PKP4: variants seen among roughly 807,000 people sequenced by gnomAD.
PKP4 encodes plakophilin-4.
Under a neutral mutation model 145.1 loss-of-function variants are expected in PKP4, and 90 were observed. The observed-to-expected ratio is 0.62, with a 90% CI of 0.52 to 0.74. The LOEUF is 0.74. Among genes scored for constraint, PKP4 ranks in the 30% least tolerant of loss-of-function variants. The pLI, the probability that PKP4 is intolerant of heterozygous loss-of-function variation, is 0.00. For synonymous variants in PKP4, 563 were observed against 577.2 expected, an observed-to-expected ratio of 0.98 and a Z score of 0.35; for missense variants, 1,340 against 1,482.7, an observed-to-expected ratio of 0.90 and a Z score of 1.58.
intron 1 of PKP4, among the ~76,000 whole-genome samples, chr2:158,497,176 G>A (rs753819601): frequency 1.1e-4 from 16 of 152,166 alleles, no homozygotes; most frequent in Non-Finnish European, 1.9e-4. Flanking sequence ...CACAGGGCCA[G>A]GTGTCAGGGA....
chr2:158,474,148 A>G (rs567605763), intron 1 of PKP4, among the ~76,000 whole-genome samples: 1 of 152,294 alleles, frequency 6.6e-6, no homozygotes, highest in South Asian at 2.1e-4. Flanking sequence ...AACAGAAGCT[A>G]CTCGACGACA....
At chr2:158,554,465 G>C (rs1241936847) in intron 2 of PKP4, among the ~76,000 whole-genome samples, 1 of 143,546 alleles carries the variant, frequency 7.0e-6, no homozygotes, top group East Asian at 2.0e-4. Context: ...TAGCTCTGTT[G>C]CCCAGGCTGG....
intron 1 of PKP4, among the ~76,000 whole-genome samples, chr2:158,460,554 G>T (rs1385706968): frequency 1.3e-5 from 2 of 152,120 alleles, no homozygotes; most frequent in Admixed American, 1.3e-4. Context: ...GGTAAGTCTA[G>T]TCTCTTACCT....
chr2:158,629,335 A>G (rs1166290549), intron 7 of PKP4, among the ~76,000 whole-genome samples: 3 of 152,126 alleles, frequency 2.0e-5, no homozygotes, highest in African/African-American at 7.2e-5. Flanking sequence ...ATAATGACAG[A>G]ACACTGACCT....
intron 1 of PKP4, 101 bp from the exon 2 acceptor site, chr2:158,533,079 A>T: frequency 4.1e-6 from 5 of 1,221,748 alleles, no homozygotes; most frequent in Non-Finnish European, 5.6e-6. Context: ...CATGGTGTGT[A>T]GACTGTAGTC....
intron 2 of PKP4, among the ~76,000 whole-genome samples, chr2:158,564,127 AATAAT>A (rs1353488794): frequency 2.0e-5 from 3 of 151,770 alleles, no homozygotes; most frequent in African/African-American, 4.8e-5. Context: ...GTAAATATAA[AATAAT>A]ATAATAATGT....
intron 1 of PKP4, among the ~76,000 whole-genome samples, chr2:158,492,734 C>G (rs1018787590): frequency 4.6e-5 from 7 of 152,174 alleles, no homozygotes; most frequent in African/African-American, 1.7e-4. Context: ...TCCAGCTGAC[C>G]ATTTTCCTCC....
At chr2:158,502,823 A>G (rs1449442026) in intron 1 of PKP4, among the ~76,000 whole-genome samples, 1 of 152,210 alleles carries the variant, frequency 6.6e-6, no homozygotes, top group Non-Finnish European at 1.5e-5. Flanking sequence ...TGTGTTAGAG[A>G]TGGTTTTTGT....
chr2:158,674,105 A>T, intron 19 of PKP4, 105 bp downstream of exon 19: 2 of 773,994 alleles, frequency 2.6e-6, no homozygotes, highest in Non-Finnish European at 2.4e-6. Context: ...GTCATCTCCA[A>T]CACTACCCAT....
chr2:158,667,785 A>G (rs1266220323), intron 16 of PKP4, among the ~76,000 whole-genome samples: 1 of 152,206 alleles, frequency 6.6e-6, no homozygotes, highest in Non-Finnish European at 1.5e-5. Flanking sequence ...GGTCCAGCTC[A>G]TGCCTGATTC....
intron 1 of PKP4, among the ~76,000 whole-genome samples, chr2:158,458,930 T>G (rs1328774352): frequency 6.9e-6 from 1 of 144,644 alleles, no homozygotes; most frequent in Non-Finnish European, 1.5e-5. Context: ...TTACTGAGTT[T>G]GACTGAAAAA....
chr2:158,555,418 T>A (rs2046005918), intron 2 of PKP4, among the ~76,000 whole-genome samples: 1 of 152,244 alleles, frequency 6.6e-6, no homozygotes, highest in Non-Finnish European at 1.5e-5. Context: ...CATCATACTC[T>A]GCACTACAAA....
chr2:158,666,767 G>A (rs557636930), intron 16 of PKP4: 1 of 423,728 alleles, frequency 2.4e-6, no homozygotes, highest in African/African-American at 2.1e-5. Context: ...TCATTGATTA[G>A]GGAAGGTAAA....
At chr2:158,519,228 A>G (rs1303026203) in intron 1 of PKP4, among the ~76,000 whole-genome samples, 1 of 151,860 alleles carries the variant, frequency 6.6e-6, no homozygotes, top group African/African-American at 2.4e-5. Flanking sequence ...TCATTTTGCT[A>G]TTCATCTCAC....
At chr2:158,675,013 G>C (rs2106019569) in intron 19 of PKP4, among the ~76,000 whole-genome samples, 1 of 152,038 alleles carries the variant, frequency 6.6e-6, no homozygotes, top group African/African-American at 2.4e-5. Flanking sequence ...TTAAATTATG[G>C]GTTGCTTTCT....
chr2:158,673,938 G>A lies in PKP4; in HGVS notation c.3065G>A (p.Arg1022Gln), dbSNP rs1240412275. The change falls in exon 19 of 22, where the codon CGA becomes CAA. Residue 1022 changes from arginine to glutamine, a missense_variant. Transcript: ENST00000389759. ...ITPVSTLERDRFKSHPSLSTT... is the reference protein window; with the variant it reads ...ITPVSTLERDQFKSHPSLSTT... ...CCTGTGTCGACATTGGAGCGAGACC[G>A]ATTCAAATCACATCCTTCCTTGTCT... 3.1e-5 allele frequency: 50 copies of A among 1,613,104 alleles called. No homozygotes were observed. The highest frequency in any genetic ancestry group is 4.4e-5 in the South Asian group (4 of 91,074).
intron 1 of PKP4, among the ~76,000 whole-genome samples, chr2:158,468,164 T>A (rs1360048723): frequency 6.6e-6 from 1 of 152,238 alleles, no homozygotes; most frequent in Non-Finnish European, 1.5e-5. Flanking sequence ...TGAATCATAA[T>A]TTTTAAAACT....
At chr2:158,651,051 C>T (rs1294091695) in intron 11 of PKP4, among the ~76,000 whole-genome samples, 2 of 152,324 alleles carry the variant, frequency 1.3e-5, no homozygotes, top group African/African-American at 4.8e-5. Context: ...TTGTTTTCCT[C>T]AGCATTTATC....
At chr2:158,463,635 A>G (rs569569122) in intron 1 of PKP4, among the ~76,000 whole-genome samples, 41 of 152,274 alleles carry the variant, frequency 2.7e-4, no homozygotes, top group African/African-American at 9.6e-4. Context: ...TCTTGTCTAT[A>G]AAATGAGGGA....
Sources: allele counts gnomAD v4.1 joint callset (sites outside exome capture counted in the v4.1 genomes callset), GRCh38; gene constraint gnomAD v4.1.1; transcripts MANE v1.5; gene names NCBI Gene and HGNC (gene_info 2026-07-23, HGNC 2026-07-21).